Variants in KIF2C observed in about 807,000 individuals in gnomAD.
KIF2C encodes the protein kinesin-like protein KIF2C.
A neutral mutation model predicts 97.4 loss-of-function variants in KIF2C; 34 were observed. The ratio of observed to expected loss-of-function variants is 0.35; its 90% CI spans 0.27 to 0.46. The LOEUF (loss-of-function observed/expected upper bound fraction) is 0.46, where lower values mean the gene tolerates loss of function less well. Ranked by LOEUF, KIF2C falls within the 20% of genes least tolerant of loss-of-function variation. The probability of loss-of-function intolerance (pLI) is 1.00; values close to 1 mark genes in which losing one functional copy is unlikely to be tolerated. For missense variants in KIF2C, 750 were observed against 907.6 expected (o/e 0.83, Z 2.23); for synonymous variants, 313 against 318.2 (o/e 0.98, Z 0.17).
chr1:44,766,629 C>T (rs145381546), intron 19 of KIF2C, among the ~76,000 whole-genome samples, 197 bp from the exon 20 acceptor site: 18 of 151,898 alleles, frequency 1.2e-4, no homozygotes, highest in African/African-American at 1.7e-4. Flanking sequence ...ACAAAGAAAA[C>T]GAAAAAAACA....
chr1:44,760,829 G>A lies in KIF2C; in HGVS notation c.1683+127G>A, dbSNP rs556348249. 2.3e-4 allele frequency: 163 copies of A among 717,104 alleles called. No individual in the cohort carries two copies. In the East Asian group the frequency reaches 3.7e-3, roughly 16 times the overall value. The allele number at this position is 717,104 out of a possible 1,614,324, so 44.4% of individuals were successfully genotyped here. A position where few individuals can be genotyped will look rare whatever the true frequency, so the allele number is the denominator to read the frequency against. On this transcript the variant is annotated intron_variant, in intron 16 of 20. Coordinates refer to ENST00000372224, the MANE Select transcript of KIF2C (RefSeq NM_006845.4). This position sits in a 1 kb window ranked among gnomAD's most constrained non-coding sequence, Gnocchi z 4.2. ...GCTGCCTGGGTTTCCAGGCTGTACC[G>A]TGACTGGGCTTCCAGACCCTGCTTT...
At chr1:44,741,073 T>A in intron 2 of KIF2C, 66 bp downstream of exon 2, 1 of 1,263,418 alleles carries the variant, frequency 7.9e-7, no homozygotes, top group Non-Finnish European at 1.1e-6. Flanking sequence ...TGTGCAGAAG[T>A]GGAATCTGTG....
intron 2 of KIF2C, among the ~76,000 whole-genome samples, chr1:44,744,088 TTG>T (rs200853102): frequency 0.024 from 3,135 of 133,148 alleles, 53 homozygotes; most frequent in Admixed American, 0.051. Flanking sequence ...GTTTTTTTTT[TTG>T]TTTGTTTGTT....
chr1:44,764,235 G>A (rs1463625294), intron 19 of KIF2C, among the ~76,000 whole-genome samples: 3 of 152,100 alleles, frequency 2.0e-5, no homozygotes, highest in African/African-American at 4.8e-5. Context: ...GAGTTTAGTG[G>A]TGCAATCTTG....
intron 2 of KIF2C, 99 bp downstream of exon 2, chr1:44,741,106 G>A: frequency 1.1e-6 from 1 of 903,838 alleles, no homozygotes; most frequent in Non-Finnish European, 1.7e-6. Context: ...CTGATGCTGT[G>A]CTCTTCTCAC....
rs1274696222 is a variant in KIF2C at position 44,760,253 on chromosome 1, G to C, written c.1368-27G>C. ...GGTGCCATGGGGGCTGGTGACCACA[G>C]AATCTCATAACCTTTCTTTACCACA... is the stretch of plus-strand genomic sequence containing the variant. On this transcript the variant is annotated intron_variant, in intron 14 of 20. Transcript: ENST00000372224. The surrounding 1 kb of genome is among the most constrained non-coding windows in gnomAD (Gnocchi z 4.2). The C allele has an allele frequency of 1.2e-6, 2 of 1,609,018 alleles. No homozygotes were observed. The highest frequency in any genetic ancestry group is 1.7e-6 in the Non-Finnish European group (2 of 1,176,140).
chr1:44,761,785 A>G, intron 16 of KIF2C, 131 bp from the exon 17 acceptor site: 1 of 812,300 alleles, frequency 1.2e-6, no homozygotes, highest in East Asian at 2.4e-5. Context: ...GTGCTAAATG[A>G]CTCCTCCCAC....
rs556027487 is a variant in KIF2C at position 44,752,072 on chromosome 1, G to A, written c.440-1060G>A. ...CCTGACCTCGTGATCCACCCACCTCGGCCTCCCAAGGTCCTGGGATTACAG... is the reference window on the plus strand; with the variant it reads ...CCTGACCTCGTGATCCACCCACCTCAGCCTCCCAAGGTCCTGGGATTACAG... On this transcript the variant is annotated intron_variant, in intron 5 of 20. Coordinates refer to ENST00000372224, the MANE Select transcript of KIF2C (RefSeq NM_006845.4). Among the ~76,000 whole-genome samples, 6 of 151,142 alleles carry A rather than the reference G, an allele frequency of 4.0e-5. No individual in the cohort carries two copies. In the South Asian group the frequency reaches 8.4e-4, roughly 21 times the overall value.
At chr1:44,748,422 C>G (rs1649333006) in intron 4 of KIF2C, among the ~76,000 whole-genome samples, 1 of 152,120 alleles carries the variant, frequency 6.6e-6, no homozygotes, top group Non-Finnish European at 1.5e-5. Context: ...AAGCTTGGGC[C>G]TGACTATTGT....
rs770064607 is a variant in KIF2C at position 44,762,031 on chromosome 1, G to A, written c.1751+48G>A. 8.4e-6 allele frequency: 13 copies of A among 1,543,958 alleles called. No homozygotes were observed. In the Admixed American group the frequency reaches 2.2e-4, roughly 26 times the overall value. On this transcript the variant is annotated intron_variant, in intron 17 of 20. Transcript: ENST00000372224. ...GGGATGCGGAACAGGACTGGGCAAG[G>A]GAAGGGCAGTGATGAGAGGGGAGGA...
At chr1:44,747,338 G>T in intron 2 of KIF2C, 46 bp from the exon 3 acceptor site, 2 of 1,404,326 alleles carry the variant, frequency 1.4e-6, no homozygotes, top group Non-Finnish European at 2.0e-6. Flanking sequence ...AATGTATTTG[G>T]ATTGAACAAT....
At chr1:44,761,326 C>A (rs1650129321) in intron 16 of KIF2C, among the ~76,000 whole-genome samples, 1 of 152,010 alleles carries the variant, frequency 6.6e-6, no homozygotes, top group Admixed American at 6.6e-5. Flanking sequence ...GGACCTTGGG[C>A]TGGGCGCGGT....
At chr1:44,757,853 C>T (rs1038398994) in intron 11 of KIF2C, 55 bp from the exon 12 acceptor site, 2 of 1,557,808 alleles carry the variant, frequency 1.3e-6, no homozygotes. Flanking sequence ...GCCAGTAGTG[C>T]TCTGCTCTAG....
Position 44,740,087 on chromosome 1 carries a change from G to A in KIF2C, c.70+85G>A, listed in dbSNP as rs763943990. 2.4e-5 allele frequency: 35 copies of A among 1,474,044 alleles called. No homozygotes were observed. In the African/African-American group the frequency reaches 4.3e-4, roughly 18 times the overall value. The allele number at this position is 1,474,044 out of a possible 1,614,324, so 91.3% of individuals were successfully genotyped here. A position where few individuals can be genotyped will look rare whatever the true frequency, so the allele number is the denominator to read the frequency against. On this transcript the variant is annotated intron_variant, in intron 1 of 20. Coordinates refer to ENST00000372224, the MANE Select transcript of KIF2C (RefSeq NM_006845.4). Reference sequence around the variant, plus strand: ...TGCCCGTCCCCGGACACACAGATGGGCTTTCACTCTCTTTCTCTCCCTCCC... The same window carrying A: ...TGCCCGTCCCCGGACACACAGATGGACTTTCACTCTCTTTCTCTCCCTCCC...
At chr1:44,749,959 G>A (rs2148824774) in intron 4 of KIF2C, among the ~76,000 whole-genome samples, 2 of 151,076 alleles carry the variant, frequency 1.3e-5, no homozygotes, top group Middle Eastern at 6.9e-3. Flanking sequence ...GTGCACACCT[G>A]TAGTTCCAGC....
At chr1:44,752,602 C>A (rs534085697) in intron 5 of KIF2C, among the ~76,000 whole-genome samples, 1 of 152,280 alleles carries the variant, frequency 6.6e-6, no homozygotes, top group East Asian at 1.9e-4. Context: ...ATATCAAATT[C>A]AGCTCTAATA....
Position 44,762,602 on chromosome 1 carries a change from A to G in KIF2C, c.1915A>G (p.Thr639Ala). The G allele has an allele frequency of 6.2e-7, 1 of 1,614,112 alleles. No individual in the cohort carries two copies. The highest frequency in any genetic ancestry group is 8.5e-7 in the Non-Finnish European group (1 of 1,179,998). The change falls in exon 19 of 21, where the codon ACT becomes GCT. Residue 639 changes from threonine (T) to alanine (A), a missense_variant. Physicochemically the swap from Thr to Ala is moderately conservative, Grantham distance 58. Transcript: ENST00000372224. Reference protein sequence around the residue: ...SQMSSFNEAMTQIRELEEKAM... With the variant: ...SQMSSFNEAMAQIRELEEKAM... The stretch of plus-strand genomic sequence containing the variant: ...GATGTCCAGCTTTAACGAAGCCATG[A>G]CTCAGATCAGGGAGCTGGAGGAGAA...
rs1367339110 is a variant in KIF2C at position 44,754,832 on chromosome 1, C to G, written c.746C>G (p.Thr249Ser). Residue 249 changes from threonine (T) to serine (S), a missense_variant, in exon 8 of 21, where the codon ACT becomes AGT. Transcript: ENST00000372224. ...GCTACTTTGGAATGTCATCCACTTA[C>G]TATGACTGATCCTGTAAGTACATCC... ...FRATLECHPLTMTDPIEEHRI... is the reference protein window; with the variant it reads ...FRATLECHPLSMTDPIEEHRI... 6.2e-7 allele frequency: 1 copy of G among 1,601,086 alleles called. No homozygotes were observed. The highest frequency in any genetic ancestry group is 8.6e-7 in the Non-Finnish European group (1 of 1,168,120).
chr1:44,751,056 T>C (rs1649482932), intron 5 of KIF2C, among the ~76,000 whole-genome samples: 1 of 152,234 alleles, frequency 6.6e-6, no homozygotes, highest in Admixed American at 6.5e-5. Context: ...CTCATGTAAC[T>C]AACATGATCA....
Sources: allele counts gnomAD v4.1 joint callset (sites outside exome capture counted in the v4.1 genomes callset), GRCh38; gene constraint gnomAD v4.1.1; non-coding constraint Gnocchi (gnomAD v3.1); transcripts MANE v1.5; gene names NCBI Gene and HGNC (gene_info 2026-07-23, HGNC 2026-07-21).